AZIN2: variants seen among roughly 807,000 people sequenced by gnomAD.
AZIN2 encodes ODC antizyme inhibitor-2.
A neutral mutation model predicts 47.8 loss-of-function variants in AZIN2; 28 were observed. The observed-to-expected ratio is 0.59, with a 90% CI of 0.43 to 0.80. The LOEUF is 0.80. Among genes scored for constraint, AZIN2 ranks in the 30% least tolerant of loss-of-function variants. The probability of loss-of-function intolerance (pLI) is 0.00; values close to 1 mark genes in which losing one functional copy is unlikely to be tolerated. For missense variants in AZIN2, 535 were observed against 582.5 expected (o/e 0.92, Z 0.84); for synonymous variants, 221 against 239.4 (o/e 0.92, Z 0.71).
At chr1:33,126,876 G>C (rs768534837), downstream of AZIN2, among the ~76,000 whole-genome samples, 1 of 152,304 alleles carries the variant, frequency 6.6e-6, no homozygotes, top group African/African-American at 2.4e-5. Context: ...TTATACTAAA[G>C]CATTACTCGT....
At chr1:33,110,681 G>A (rs1334061739) in intron 10 of AZIN2, among the ~76,000 whole-genome samples, 4 of 152,166 alleles carry the variant, frequency 2.6e-5, no homozygotes, top group Non-Finnish European at 4.4e-5. Context: ...GTATCCAAAT[G>A]TAGCACAGAG....
At chr1:33,097,761 C>A (rs1643310160) in intron 9 of AZIN2, among the ~76,000 whole-genome samples, 2 of 152,102 alleles carry the variant, frequency 1.3e-5, no homozygotes, top group South Asian at 4.1e-4. Flanking sequence ...AGTGGCTTAA[C>A]CTTTTGGGGT....
rs1337320431 is a variant in AZIN2 at position 33,123,041 on chromosome 1, GCCT to G, written c.*2862_*2864del. On this transcript the variant is annotated 3_prime_UTR_variant, in exon 12 of 12. Transcript: ENST00000294517. Reference sequence around the variant, plus strand: ...CACGCACTGGGTCCTGGCCACACTGGCCTCCCCTCTGTTCTTCAAACACTCCAC... The same window carrying G: ...CACGCACTGGGTCCTGGCCACACTGGCCCCTCTGTTCTTCAAACACTCCAC... 6.6e-6 allele frequency among the ~76,000 whole-genome samples: 1 copy of G among 152,088 alleles called. No individual in the cohort carries two copies. Among genetic ancestry groups the G allele is most frequent in the East Asian group, 1.9e-4 (1 of 5,188 alleles).
the AZIN2 span, chr1:33,158,322 G>T: frequency 3.5e-5 from 57 of 1,613,908 alleles, no homozygotes; most frequent in African/African-American, 6.7e-4. Context: ...TTGGAGGTCG[G>T]GAAGTCTTCA....
Position 33,110,656 on chromosome 1 carries a change from A to G in AZIN2, c.1030-7246A>G, listed in dbSNP as rs139187968. On this transcript the variant is annotated intron_variant, in intron 10 of 11. Coordinates refer to ENST00000294517, the MANE Select transcript of AZIN2 (RefSeq NM_052998.4). ...GAAGAGAGAATGAGAGAATGGGAAG[A>G]TAGAGTTGAAGAAAGTATCCAAATG... 2.3e-3 allele frequency among the ~76,000 whole-genome samples: 346 copies of G among 152,338 alleles called. 6 individuals carry two copies. Among genetic ancestry groups the G allele is most frequent in the Non-Finnish European group, 2.8e-3 (192 of 68,030 alleles).
rs772357892 is a variant in AZIN2, at chr1:33,084,060, G to A, written c.212G>A (p.Cys71Tyr). 35 of 1,613,878 alleles carry A rather than the reference G, an allele frequency of 2.2e-5. No individual in the cohort carries two copies. The highest frequency in any genetic ancestry group is 2.7e-5 in the Non-Finnish European group (32 of 1,180,050). The change falls in exon 5 of 12, where the codon TGC becomes TAC. Residue 71 changes from cysteine to tyrosine, a missense_variant. By Grantham distance (194) the Cys-to-Tyr change is radical. Coordinates refer to ENST00000294517, the MANE Select transcript of AZIN2 (RefSeq NM_052998.4). Reference protein sequence around the residue: ...PRVRPFYAVKCNSSPGVLKVL... With the variant: ...PRVRPFYAVKYNSSPGVLKVL... ...GTCCGGCCCTTTTATGCTGTCAAGT[G>A]CAACAGCAGCCCAGGTGTGCTGAAG...
At chr1:33,132,402 CTG>C in the AZIN2 span, among the ~76,000 whole-genome samples, 2 of 152,258 alleles carry the variant, frequency 1.3e-5, no homozygotes, top group Non-Finnish European at 2.9e-5. Flanking sequence ...TTGGACATGG[CTG>C]TGTTTCAGTG....
chr1:33,119,288 G>A (rs1644707942), intron 11 of AZIN2: 1 of 154,328 alleles, frequency 6.5e-6, no homozygotes, highest in Non-Finnish European at 1.4e-5. Context: ...CCTGAGAGCA[G>A]AGGGAAATGG....
At chr1:33,158,367 G>A in the AZIN2 span, 27 of 1,613,310 alleles carry the variant, frequency 1.7e-5, no homozygotes, top group East Asian at 2.2e-5. Context: ...TTTCCCTTGA[G>A]CCTGGAAGGA....
chr1:33,093,536 G>A (rs931837129), intron 7 of AZIN2, 120 bp downstream of exon 7: 101 of 1,288,992 alleles, frequency 7.8e-5, no homozygotes, highest in Non-Finnish European at 1.0e-4. Context: ...CCTGGGCCTG[G>A]AATTCTTCCA....
At chr1:33,092,895 A>G (rs1479685445) in intron 6 of AZIN2, among the ~76,000 whole-genome samples, 1 of 152,174 alleles carries the variant, frequency 6.6e-6, no homozygotes, top group Non-Finnish European at 1.5e-5. Flanking sequence ...TGGCCAGGTG[A>G]TGGGCCACTC....
chr1:33,134,566 G>C, the AZIN2 span, among the ~76,000 whole-genome samples: 1 of 152,158 alleles, frequency 6.6e-6, no homozygotes, highest in Admixed American at 6.5e-5. Context: ...GACACAAGGG[G>C]ACCCATGGAA....
At chr1:33,143,218 T>G in the AZIN2 span, 1 of 152,204 alleles carries the variant, frequency 6.6e-6, no homozygotes, top group Admixed American at 6.5e-5. Context: ...GAGTCCCCAG[T>G]TGATAATGCA....
the AZIN2 span, chr1:33,147,705 G>T: frequency 6.2e-7 from 1 of 1,612,788 alleles, no homozygotes; most frequent in Non-Finnish European, 8.5e-7. This position sits in a 1 kb window ranked among gnomAD's most constrained non-coding sequence, Gnocchi z 8.1. Flanking sequence ...CTGTGCCCGG[G>T]TCCAGGGTTA....
chr1:33,111,901 C>T (rs1210813690), intron 10 of AZIN2, among the ~76,000 whole-genome samples: 1 of 152,028 alleles, frequency 6.6e-6, no homozygotes, highest in Non-Finnish European at 1.5e-5. Flanking sequence ...CGGCGCCCGG[C>T]CTGAAGAATT....
chr1:33,154,798 C>CAA, the AZIN2 span, among the ~76,000 whole-genome samples: 1 of 102,846 alleles, frequency 9.7e-6, no homozygotes. Context: ...ACTCCGTATC[C>CAA]AAAAAAAAAA....
chr1:33,122,642 C>G lies in AZIN2; in HGVS notation c.*2460C>G, dbSNP rs1464187123. 2.0e-5 allele frequency among the ~76,000 whole-genome samples: 3 copies of G among 152,144 alleles called. No homozygotes were observed. Among genetic ancestry groups the G allele is most frequent in the Non-Finnish European group, 2.9e-5 (2 of 68,024 alleles). On this transcript the variant is annotated 3_prime_UTR_variant, in exon 12 of 12. Coordinates refer to ENST00000294517, the MANE Select transcript of AZIN2 (RefSeq NM_052998.4). ...TCCTCCAAGCTCCCTGCTGAGCGAC[C>G]CACTGGCAGTGGCTCCTCATGCCTC...
intron 10 of AZIN2, among the ~76,000 whole-genome samples, chr1:33,100,784 T>A (rs889594704): frequency 2.0e-5 from 3 of 152,096 alleles, no homozygotes; most frequent in African/African-American, 7.2e-5. Flanking sequence ...CCCAACTGTC[T>A]CATAATGGTT....
intron 8 of AZIN2, among the ~76,000 whole-genome samples, chr1:33,095,355 C>A (rs985501474): frequency 3.3e-5 from 5 of 152,192 alleles, no homozygotes; most frequent in African/African-American, 1.2e-4. Flanking sequence ...ATCTAATACT[C>A]AGGATTTGTT....
Sources: gnomAD v4.1 joint callset for allele counts (sites outside exome capture counted in the v4.1 genomes callset) on GRCh38, gnomAD v4.1.1 for gene constraint, Gnocchi (gnomAD v3.1) non-coding constraint, MANE v1.5 for transcripts, NCBI Gene and HGNC (gene_info 2026-07-23, HGNC 2026-07-21) for gene names.